Variants in MFNG observed in about 807,000 individuals in gnomAD.
MFNG encodes the protein beta-1,3-N-acetylglucosaminyltransferase manic fringe.
A neutral mutation model predicts 34.2 loss-of-function variants in MFNG; 24 were observed. That is an observed-to-expected ratio of 0.70 (90% CI 0.51 to 0.99). The LOEUF is 0.99. MFNG is among the 50% of genes least tolerant of loss of function. The pLI is 0.00. For synonymous variants in MFNG, 158 were observed against 179.2 expected (o/e 0.88, Z 0.94); for missense variants, 383 against 424.0 (o/e 0.90, Z 0.85).
At position 37,472,460 on chromosome 22, in the gene MFNG, C is replaced by T. The variant is rs146430995; in HGVS notation, c.882G>A (p.Pro294=). The change falls in exon 7 of 8, where the codon CCG becomes CCA. Residue 294 remains proline (P), a synonymous_variant. Transcript: ENST00000356998. ...NVIKLQGPFS[P]EEDPSRFRSL... ...AGACCCACCTGGAGGGGTCCTCCTC[C>T]GGGGAGAAGGGGCCCTGTAGCTTAA... 68 of 1,583,042 alleles carry T rather than the reference C, an allele frequency of 4.3e-5. No homozygotes were observed. The highest frequency in any genetic ancestry group is 2.1e-4 in the Admixed American group (11 of 53,360).
Position 37,485,802 on chromosome 22 carries a change from T to A in MFNG, c.255+121A>T. The A allele has an allele frequency of 8.3e-7, 1 of 1,199,506 alleles. No homozygotes were observed. Among genetic ancestry groups the A allele is most frequent in the South Asian group, 1.6e-5 (1 of 61,840 alleles). The allele number at this position is 1,199,506 out of a possible 1,614,324, so 74.3% of individuals were successfully genotyped here. On this transcript the variant is annotated intron_variant, in intron 1 of 7. Transcript: ENST00000356998. The surrounding 1 kb of genome is among the most constrained non-coding windows in gnomAD (Gnocchi z 5.3). ...AGGAGAGAGGAAGAGGATCCCTGATTAGGCAGGTATTGAGCAGCTTCTCCC... is the reference window on the plus strand; with the variant it reads ...AGGAGAGAGGAAGAGGATCCCTGATAAGGCAGGTATTGAGCAGCTTCTCCC...
Position 37,485,744 on chromosome 22 carries a change from CAGGG to C in MFNG, c.255+175_255+178del, listed in dbSNP as rs1922518038. ...AGTCAGGACCAGTACAGGGCACGGGCAGGGCCGCAGGCAGCCCCTAAAGCCCGGA... is the reference window on the plus strand; with the variant it reads ...AGTCAGGACCAGTACAGGGCACGGGCCCGCAGGCAGCCCCTAAAGCCCGGA... On this transcript the variant is annotated intron_variant, in intron 1 of 7. Coordinates refer to ENST00000356998, the MANE Select transcript of MFNG (RefSeq NM_002405.4). The surrounding 1 kb of genome is among the most constrained non-coding windows in gnomAD (Gnocchi z 5.3). Among the ~76,000 whole-genome samples, 1 of 152,194 alleles carries C rather than the reference CAGGG, an allele frequency of 6.6e-6. No homozygotes were observed. The highest frequency in any genetic ancestry group is 2.4e-5 in the African/African-American group (1 of 41,450).
At chr22:37,480,344 C>T (rs747048005) in intron 2 of MFNG, 45 bp from the exon 3 acceptor site, 3 of 1,440,216 alleles carry the variant, frequency 2.1e-6, no homozygotes, top group Non-Finnish European at 2.9e-6. Context: ...CAGGTCCCCC[C>T]TTCAGAGCCC....
rs559947635 is a variant in MFNG at position 37,472,194 on chromosome 22, A to ATCCATCATGGCCAGCC, written c.899+233_899+248dup. 1.4e-3 allele frequency among the ~76,000 whole-genome samples: 206 copies of ATCCATCATGGCCAGCC among 152,258 alleles called. 1 individual carries two copies. Among genetic ancestry groups the ATCCATCATGGCCAGCC allele is most frequent in the African/African-American group, 4.8e-3 (201 of 41,556 alleles). ...GATTGGGGCTGGGAGAGCTCTTCAGATCCATCATGGCCAGCCTCCAGGTGT... is the reference window on the plus strand; with the variant it reads ...GATTGGGGCTGGGAGAGCTCTTCAGATCCATCATGGCCAGCCTCCATCATGGCCAGCCTCCAGGTGT... On this transcript the variant is annotated intron_variant, in intron 7 of 7. Coordinates refer to ENST00000356998, the MANE Select transcript of MFNG (RefSeq NM_002405.4).
chr22:37,474,669 CG>C lies in MFNG; in HGVS notation c.655del (p.Arg219ValfsTer45). Reference protein sequence around the residue: ...LKMAPWASGSRFMDTSALIRL... With the variant: ...LKMAPWASGSXFMDTSALIRL... ...GATGAGAGCAGATGTGTCCATGAAA[CG>C]GGAGCCACTGAGGGACAGAGCCAGA... On this transcript the variant is annotated frameshift_variant, in exon 6 of 8. Coordinates refer to ENST00000356998, the MANE Select transcript of MFNG (RefSeq NM_002405.4). LOFTEE classifies it high-confidence loss of function. The C allele has an allele frequency of 1.2e-6, 2 of 1,600,962 alleles. No homozygotes were observed. The highest frequency in any genetic ancestry group is 3.4e-5 in the Admixed American group (2 of 58,706).
intron 5 of MFNG, among the ~76,000 whole-genome samples, chr22:37,476,539 A>C (rs1922048377): frequency 1.3e-5 from 2 of 152,150 alleles, no homozygotes. Flanking sequence ...GGCATTGACC[A>C]GTCAGAAAAG....
In MFNG at chr22:37,483,954, G is replaced by A. The variant is rs952882498; in HGVS notation, c.255+1969C>T. On this transcript the variant is annotated intron_variant, in intron 1 of 7. Transcript: ENST00000356998. The surrounding 1 kb of genome is among the most constrained non-coding windows in gnomAD (Gnocchi z 4.5). ...CAGAGTTTCTTTGGAGCCAAGGGCT[G>A]CATTTGACTTGTTTAAGGAGGGGAC... is the stretch of plus-strand genomic sequence containing the variant. Among the ~76,000 whole-genome samples, 4 of 152,168 alleles carry A rather than the reference G, an allele frequency of 2.6e-5. No homozygotes were observed. Among genetic ancestry groups the A allele is most frequent in the East Asian group, 3.9e-4 (2 of 5,186 alleles).
intron 6 of MFNG, among the ~76,000 whole-genome samples, chr22:37,474,086 G>C (rs533665174): frequency 9.2e-5 from 14 of 152,284 alleles, no homozygotes; most frequent in African/African-American, 3.4e-4. Context: ...AATGGATAGG[G>C]GAGTTTTGAT....
chr22:37,474,053 G>T (rs145634781), intron 6 of MFNG, among the ~76,000 whole-genome samples: 2 of 152,288 alleles, frequency 1.3e-5, no homozygotes, highest in East Asian at 3.9e-4. Context: ...GTAACCTCAG[G>T]GTTGGCAGGA....
chr22:37,485,931 T>C lies in MFNG; in HGVS notation c.247A>G (p.Arg83Gly), dbSNP rs1569159521. ...LLLDTWVSRT[R>G]EQTFVFTDSP... ...TGTCACCCACTTGTCACCTGTTCCCTGGTCCTGGAAACCCACGTGTCAAGC... is the reference window on the plus strand; with the variant it reads ...TGTCACCCACTTGTCACCTGTTCCCCGGTCCTGGAAACCCACGTGTCAAGC... Residue 83 changes from arginine to glycine, a missense_variant, in exon 1 of 8, where the codon AGG becomes GGG. Arg to Gly is a moderately radical substitution (Grantham distance 125). Coordinates refer to ENST00000356998, the MANE Select transcript of MFNG (RefSeq NM_002405.4). The surrounding 1 kb of genome is among the most constrained non-coding windows in gnomAD (Gnocchi z 5.3). The C allele has an allele frequency of 6.2e-7, 1 of 1,612,882 alleles. No individual in the cohort carries two copies.
chr22:37,481,063 C>T, intron 1 of MFNG: 1 of 465,006 alleles, frequency 2.2e-6, no homozygotes, highest in South Asian at 2.7e-5. Flanking sequence ...CAGCATCTCA[C>T]CCTCTTCTAT....
intron 7 of MFNG, among the ~76,000 whole-genome samples, chr22:37,470,725 C>T (rs112428365): frequency 2.6e-5 from 4 of 152,328 alleles, no homozygotes; most frequent in African/African-American, 9.6e-5. Flanking sequence ...AACGTCAGGG[C>T]CAGGGGCCCT....
At chr22:37,477,068 C>G in intron 4 of MFNG, 87 bp from the exon 5 acceptor site, 1 of 1,106,840 alleles carries the variant, frequency 9.0e-7, no homozygotes, top group Non-Finnish European at 1.4e-6. Context: ...CACCCCCAAC[C>G]AGCATGGCTC....
rs1027040483 is a variant in MFNG at position 37,483,250 on chromosome 22, G to A, written c.256-2481C>T. On this transcript the variant is annotated intron_variant, in intron 1 of 7. Transcript: ENST00000356998. The surrounding 1 kb of genome is among the most constrained non-coding windows in gnomAD (Gnocchi z 4.5). ...CGCTGCTCTTCCCTCCGGCCCACCC[G>A]GCCACCTAGTCCCCGCCACTGTCGT... 3.3e-5 allele frequency among the ~76,000 whole-genome samples: 5 copies of A among 152,026 alleles called. No homozygotes were observed. The highest frequency in any genetic ancestry group is 2.1e-4 in the South Asian group (1 of 4,826).
chr22:37,471,719 T>C (rs1334822704), intron 7 of MFNG, among the ~76,000 whole-genome samples: 1 of 150,844 alleles, frequency 6.6e-6, no homozygotes, highest in Non-Finnish European at 1.5e-5. Flanking sequence ...TAATCCCAGC[T>C]ATTCGGGAGG....
rs570062186 is a variant in MFNG, at chr22:37,483,367, A to T, written c.255+2556T>A. Among the ~76,000 whole-genome samples the T allele has an allele frequency of 1.1e-4, 17 of 152,038 alleles. No homozygotes were observed. Among genetic ancestry groups the T allele is most frequent in the Admixed American group, 9.2e-4 (14 of 15,242 alleles). On this transcript the variant is annotated intron_variant, in intron 1 of 7. Coordinates refer to ENST00000356998, the MANE Select transcript of MFNG (RefSeq NM_002405.4). The surrounding 1 kb of genome is among the most constrained non-coding windows in gnomAD (Gnocchi z 4.5). ...TCGGTTTTCAACACAGCCTCAAGGG[A>T]TCCTATCAAAGAAACCAGGCCTTTC...
At position 37,483,430 on chromosome 22, in the gene MFNG, C is replaced by T. The variant is rs918081967; in HGVS notation, c.255+2493G>A. On this transcript the variant is annotated intron_variant, in intron 1 of 7. Transcript: ENST00000356998. This position sits in a 1 kb window ranked among gnomAD's most constrained non-coding sequence, Gnocchi z 4.5. ...CGACAAACTTTTGCCACCAAACAGC[C>T]ACCCGATAGTGAAACACTCTCAAGC... 6.6e-6 allele frequency among the ~76,000 whole-genome samples: 1 copy of T among 151,770 alleles called. No homozygotes were observed. The highest frequency in any genetic ancestry group is 2.4e-5 in the African/African-American group (1 of 41,372).
chr22:37,480,838 AC>A (rs1922263162), intron 1 of MFNG, 69 bp from the exon 2 acceptor site: 1 of 1,387,112 alleles, frequency 7.2e-7, no homozygotes. Flanking sequence ...TCCACAGCCC[AC>A]CACCACCAGG....
intron 4 of MFNG, 80 bp from the exon 5 acceptor site, chr22:37,477,061 C>G (rs757074116): frequency 4.3e-5 from 52 of 1,211,552 alleles, no homozygotes; most frequent in Non-Finnish European, 6.2e-5. Context: ...CACCCTTCAC[C>G]CCCAACCAGC....
Sources: gnomAD v4.1 joint callset for allele counts (sites outside exome capture counted in the v4.1 genomes callset) on GRCh38, gnomAD v4.1.1 for gene constraint, Gnocchi (gnomAD v3.1) non-coding constraint, MANE v1.5 for transcripts, NCBI Gene and HGNC (gene_info 2026-07-23, HGNC 2026-07-21) for gene names.